The following SETD2 variants were observed in gnomAD, a reference collection of about 807,000 sequenced individuals.
The protein encoded by SETD2 is histone-lysine N-methyltransferase SETD2.
Under a neutral mutation model 242.1 loss-of-function variants are expected in SETD2, and 31 were observed. The observed-to-expected ratio is 0.13, with a 90% confidence interval of 0.10 to 0.17. SETD2 has a LOEUF of 0.17. Among genes scored for constraint, SETD2 ranks in the 10% least tolerant of loss-of-function variants. SETD2 has a pLI of 1.00. For synonymous variants in SETD2, 1,006 were observed against 1,066.5 expected (o/e 0.94, Z 1.11); for missense variants, 2,481 against 3,046.3 (o/e 0.81, Z 4.37).
intron 17 of SETD2, chr3:47,041,533 A>G (rs2039280383): frequency 3.7e-6 from 1 of 267,320 alleles, no homozygotes; most frequent in Non-Finnish European, 7.5e-6. Flanking sequence ...CCATAGTTCT[A>G]TGTTAATTGA....
chr3:47,147,426 G>A lies in SETD2; in HGVS notation c.71+16428C>T, dbSNP rs1201464341. Among the ~76,000 whole-genome samples the A allele has an allele frequency of 4.7e-5, 7 of 149,246 alleles. No homozygotes were observed. The East Asian group carries it at 8.0e-4, about 17-fold the overall frequency. On this transcript the variant is annotated intron_variant, in intron 1 of 20. Coordinates refer to ENST00000409792, the MANE Select transcript of SETD2 (RefSeq NM_014159.7). The stretch of plus-strand genomic sequence containing the variant: ...CAACCTCTGCCTCCTCGGTTCGAAC[G>A]ATTCTCCTGCCTCAGCCGCCCGACT...
chr3:47,080,002 C>T (rs932696745), intron 12 of SETD2, among the ~76,000 whole-genome samples: 1 of 152,072 alleles, frequency 6.6e-6, no homozygotes, highest in Non-Finnish European at 1.5e-5. Flanking sequence ...AGTAAGAATT[C>T]AAAAATTATC....
Position 47,016,992 on chromosome 3 carries a change from T to C in SETD2, c.*101A>G. The C allele has an allele frequency of 8.6e-7, 1 of 1,161,890 alleles. No individual in the cohort carries two copies. Among genetic ancestry groups the C allele is most frequent in the Non-Finnish European group, 1.3e-6 (1 of 790,834 alleles). 72.0% of individuals were successfully genotyped at this position (1,161,890 alleles called of 1,614,324 possible). A position where few individuals can be genotyped will look rare whatever the true frequency, so the allele number is the denominator to read the frequency against. On this transcript the variant is annotated 3_prime_UTR_variant, in exon 21 of 21. Coordinates refer to ENST00000409792, the MANE Select transcript of SETD2 (RefSeq NM_014159.7). ...ATTCCCCAGGGTGATGTATCATCAG[T>C]AGCACAGTGCTGACAGGGGTGGGAC...
At chr3:47,141,565 C>T (rs1270061518) in intron 1 of SETD2, among the ~76,000 whole-genome samples, 1 of 152,032 alleles carries the variant, frequency 6.6e-6, no homozygotes, top group African/African-American at 2.4e-5. Flanking sequence ...GATCTCTTTC[C>T]ATCATAAATA....
At chr3:47,100,440 T>C (rs572833279) in intron 8 of SETD2, among the ~76,000 whole-genome samples, 1 of 151,926 alleles carries the variant, frequency 6.6e-6, no homozygotes, top group Admixed American at 6.5e-5. Context: ...TTTATATTTT[T>C]AGTATGGACG....
chr3:47,038,630 A>C (rs141576224), intron 17 of SETD2, among the ~76,000 whole-genome samples: 52 of 152,224 alleles, frequency 3.4e-4, no homozygotes, highest in South Asian at 1.0e-3. Context: ...AACAAACAAA[A>C]AAAAAAACAA....
chr3:47,108,132 A>T (rs551821664), intron 5 of SETD2, among the ~76,000 whole-genome samples: 6 of 152,246 alleles, frequency 3.9e-5, no homozygotes, highest in South Asian at 2.1e-4. Context: ...AATAAATTTT[A>T]AAAAATGTTT....
chr3:47,161,661 C>T (rs141997065), intron 1 of SETD2, among the ~76,000 whole-genome samples: 1 of 152,300 alleles, frequency 6.6e-6, no homozygotes, highest in African/African-American at 2.4e-5. Context: ...AGAGGCCTGG[C>T]ACAATGGCTC....
At chr3:47,106,367 T>C (rs926619749) in intron 5 of SETD2, among the ~76,000 whole-genome samples, 3 of 151,534 alleles carry the variant, frequency 2.0e-5, no homozygotes, top group Non-Finnish European at 4.4e-5. Flanking sequence ...ACTACCAAAA[T>C]ATATATCCTT....
rs548953692 is a variant in SETD2, at chr3:47,067,406, CTTTTTTTTTT to C, written c.6061-298_6061-289del. Among the ~76,000 whole-genome samples the C allele has an allele frequency of 3.6e-5, 3 of 83,900 alleles. No homozygotes were observed. In the South Asian group the frequency reaches 1.2e-3, roughly 35 times the overall value. 55.0% of individuals were successfully genotyped at this position (83,900 alleles called of 152,430 possible). ...GGGCAAGGATACGCTTCCTGAGCAT[CTTTTTTTTTT>C]TTTTTTTTTTTTTTTTGAGACAAGG... On this transcript the variant is annotated intron_variant, in intron 12 of 20. Coordinates refer to ENST00000409792, the MANE Select transcript of SETD2 (RefSeq NM_014159.7).
intron 18 of SETD2, among the ~76,000 whole-genome samples, chr3:47,023,262 C>T (rs765152130): frequency 2.6e-5 from 4 of 152,060 alleles, no homozygotes; most frequent in South Asian, 2.1e-4. Context: ...TAGTCAGGCG[C>T]GGCGGCGTGC....
At position 47,088,251 on chromosome 3, in the gene SETD2, C is replaced by T. The variant is rs1218604539; in HGVS notation, c.5143-4G>A. The T allele has an allele frequency of 1.3e-6, 2 of 1,590,204 alleles. No homozygotes were observed. Among genetic ancestry groups the T allele is most frequent in the East Asian group, 2.2e-5 (1 of 44,800 alleles). On this transcript the variant is annotated splice_region_variant and splice_polypyrimidine_tract_variant and intron_variant, in intron 9 of 20. Transcript: ENST00000409792. ...GAGCTTCTAGCTCTCCATCCACCTACCACAGCAAATAAAAATACCTTTTTA... is the reference window on the plus strand; with the variant it reads ...GAGCTTCTAGCTCTCCATCCACCTATCACAGCAAATAAAAATACCTTTTTA...
chr3:47,039,104 G>A (rs2039155814), intron 17 of SETD2, among the ~76,000 whole-genome samples: 1 of 152,006 alleles, frequency 6.6e-6, no homozygotes, highest in East Asian at 1.9e-4. Flanking sequence ...AAGCAGCTAA[G>A]GATGTTATTA....
chr3:47,107,738 G>A (rs997509416), intron 5 of SETD2, among the ~76,000 whole-genome samples: 11 of 122,426 alleles, frequency 9.0e-5, no homozygotes, highest in South Asian at 5.4e-4. Flanking sequence ...GGTGGGGGGG[G>A]GGTGGCAGGA....
In SETD2 at chr3:47,121,887, T is replaced by C; in HGVS notation, c.2749A>G (p.Ser917Gly). 1 of 1,613,932 alleles carries C rather than the reference T, an allele frequency of 6.2e-7. No individual in the cohort carries two copies. Among genetic ancestry groups the C allele is most frequent in the Non-Finnish European group, 8.5e-7 (1 of 1,179,968 alleles). Residue 917 changes from serine to glycine, a missense_variant, in exon 3 of 21, where the codon AGT (serine) becomes GGT (glycine). Ser to Gly is a moderately conservative substitution (Grantham distance 56, BLOSUM62 0). Coordinates refer to ENST00000409792, the MANE Select transcript of SETD2 (RefSeq NM_014159.7). ...CCTGCATGCTTTAAAAACTCTGAAC[T>C]TTTTTTACTCTTTAGCACTGCATCC... ...VLDAVLKSKK[S>G]SEFLKHAGKE...
intron 1 of SETD2, among the ~76,000 whole-genome samples, chr3:47,146,803 T>C (rs1446360016): frequency 6.6e-6 from 1 of 151,872 alleles, no homozygotes; most frequent in Non-Finnish European, 1.5e-5. Context: ...CCAGGTATAC[T>C]GGCGTTTGCC....
At chr3:47,154,437 A>C (rs1312617018) in intron 1 of SETD2, among the ~76,000 whole-genome samples, 1 of 152,072 alleles carries the variant, frequency 6.6e-6, no homozygotes, top group Non-Finnish European at 1.5e-5. Flanking sequence ...AAAGATAAGC[A>C]TATCTTATAT....
intron 1 of SETD2, among the ~76,000 whole-genome samples, chr3:47,160,130 T>G (rs1016501506): frequency 6.6e-6 from 1 of 152,134 alleles, no homozygotes; most frequent in South Asian, 2.1e-4. Flanking sequence ...ACCCCAGTTA[T>G]TAACATGGCT....
intron 15 of SETD2, among the ~76,000 whole-genome samples, chr3:47,050,248 C>T (rs2039764980): frequency 6.6e-6 from 1 of 151,764 alleles, no homozygotes; most frequent in Non-Finnish European, 1.5e-5. Context: ...CACATGTACC[C>T]TGAAAATATG....
Sources: allele counts gnomAD v4.1 joint callset (sites outside exome capture counted in the v4.1 genomes callset), GRCh38; gene constraint gnomAD v4.1.1; transcripts MANE v1.5; gene names NCBI Gene and HGNC (gene_info 2026-07-23, HGNC 2026-07-21).